The following AP3B1 variants were observed in gnomAD, a reference collection of about 807,000 sequenced individuals.
AP3B1 encodes adaptor related protein complex 3 subunit beta 1, also known as AP-3 complex subunit beta-1.
Under a neutral mutation model 132.5 loss-of-function variants are expected in AP3B1, and 61 were observed. That is an observed-to-expected ratio of 0.46 (90% CI 0.37 to 0.57). The LOEUF is 0.57. Ranked by LOEUF, AP3B1 falls within the 20% of genes least tolerant of loss-of-function variation. AP3B1 has a pLI of 0.00. For synonymous variants in AP3B1, 388 were observed against 438.3 expected (o/e 0.89, Z 1.43); for missense variants, 1,120 against 1,289.4 (o/e 0.87, Z 2.01).
At chr5:78,290,679 T>G (rs1272725775) in intron 1 of AP3B1, among the ~76,000 whole-genome samples, 1 of 152,052 alleles carries the variant, frequency 6.6e-6, no homozygotes, top group African/African-American at 2.4e-5. Context: ...CCAAGCACAG[T>G]GGTACACGCC....
intron 11 of AP3B1, among the ~76,000 whole-genome samples, chr5:78,165,930 T>C (rs1743599682): frequency 6.6e-6 from 1 of 151,936 alleles, no homozygotes; most frequent in African/African-American, 2.4e-5. Flanking sequence ...TAGCCGGGCA[T>C]GGTGGTGCAT....
intron 3 of AP3B1, among the ~76,000 whole-genome samples, chr5:78,229,575 CA>C (rs70997973): frequency 0.043 from 5,781 of 134,146 alleles, 168 homozygotes; most frequent in Non-Finnish European, 0.061. Flanking sequence ...TCTAGTAAAA[CA>C]AAAAAAAAAA....
intron 5 of AP3B1, 80 bp downstream of exon 5, chr5:78,227,292 C>T (rs1241098806): frequency 2.3e-5 from 32 of 1,393,842 alleles, no homozygotes; most frequent in South Asian, 1.8e-4. Context: ...CCTAAAAGAG[C>T]GAATAAAACA....
chr5:78,011,348 T>G (rs1746619405), intron 26 of AP3B1, among the ~76,000 whole-genome samples: 2 of 152,098 alleles, frequency 1.3e-5, no homozygotes, highest in Admixed American at 1.3e-4. Flanking sequence ...GCCCGGCCAC[T>G]CTGTATATCT....
intron 11 of AP3B1, among the ~76,000 whole-genome samples, chr5:78,169,828 A>G (rs1445876963): frequency 6.6e-6 from 1 of 152,016 alleles, no homozygotes; most frequent in Admixed American, 6.6e-5. Context: ...ACATAGGTAT[A>G]CATGTGCCAT....
At chr5:78,137,468 C>T (rs906074976) in intron 15 of AP3B1, among the ~76,000 whole-genome samples, 5 of 152,158 alleles carry the variant, frequency 3.3e-5, no homozygotes, top group Admixed American at 6.5e-5. Context: ...ACTCTCTTCT[C>T]TACTTCCTCA....
intron 21 of AP3B1, among the ~76,000 whole-genome samples, chr5:78,094,005 T>C (rs932154985): frequency 6.6e-6 from 1 of 152,238 alleles, no homozygotes; most frequent in Non-Finnish European, 1.5e-5. Flanking sequence ...CAATGTGATA[T>C]CACATATCAT....
chr5:78,087,651 T>TG lies in AP3B1; in HGVS notation c.2577+1741dup, dbSNP rs1041871263. 12 of 985,372 alleles carry TG rather than the reference T, an allele frequency of 1.2e-5. No individual in the cohort carries two copies. In the African/African-American group the frequency reaches 2.1e-4, roughly 17 times the overall value. 61.0% of individuals were successfully genotyped at this position (985,372 alleles called of 1,614,324 possible). A position where few individuals can be genotyped will look rare whatever the true frequency, so the allele number is the denominator to read the frequency against. On this transcript the variant is annotated intron_variant, in intron 22 of 26. Coordinates refer to ENST00000255194, the MANE Select transcript of AP3B1 (RefSeq NM_003664.5). ...CGGTCATTTTTTGCCCAACTTTAGA[T>TG]GGAGTGCTTTTCTTTCCTTTGAAGA...
chr5:78,109,374 G>A (rs1177296517), intron 20 of AP3B1, among the ~76,000 whole-genome samples: 4 of 152,056 alleles, frequency 2.6e-5, no homozygotes, highest in African/African-American at 7.2e-5. Context: ...ATAACATATT[G>A]AAGAGATTCC....
intron 2 of AP3B1, among the ~76,000 whole-genome samples, chr5:78,241,518 A>C (rs959212961): frequency 6.6e-6 from 1 of 152,200 alleles, no homozygotes; most frequent in African/African-American, 2.4e-5. Flanking sequence ...AGAGGGATGA[A>C]TGTTACTTTG....
At chr5:78,034,303 T>C in intron 24 of AP3B1, 58 bp downstream of exon 24, 1 of 1,341,900 alleles carries the variant, frequency 7.5e-7, no homozygotes, top group Non-Finnish European at 1.1e-6. Flanking sequence ...GAAAGCTTAG[T>C]TTTTGATCTG....
At position 78,038,983 on chromosome 5, in the gene AP3B1, A is replaced by T. The variant is rs572558916; in HGVS notation, c.2809+60T>A. On this transcript the variant is annotated intron_variant, in intron 23 of 26. Transcript: ENST00000255194. ...CTAAAAAGTATTCTACTTTACTTTT[A>T]AAATGAACATATTTAGTGATCAAAT... 483 of 1,052,264 alleles carry T rather than the reference A, an allele frequency of 4.6e-4. No individual in the cohort carries two copies. In the African/African-American group the frequency reaches 7.3e-3, roughly 16 times the overall value. 65.2% of individuals were successfully genotyped at this position (1,052,264 alleles called of 1,614,324 possible).
At chr5:78,091,277 C>CAAAAAAAAAAAAA (rs748473899) in intron 21 of AP3B1, among the ~76,000 whole-genome samples, 1 of 79,506 alleles carries the variant, frequency 1.3e-5, no homozygotes, top group African/African-American at 5.2e-5. Context: ...ATGTATTTGA[C>CAAAAAAAAAAAAA]AAAAAAAAAA....
intron 1 of AP3B1, among the ~76,000 whole-genome samples, chr5:78,276,771 A>T (rs10067204): frequency 0.22 from 32,949 of 151,836 alleles, 4,402 homozygotes; most frequent in Middle Eastern, 0.31. Context: ...CAGGAGGCTG[A>T]GGTAGGAGGA....
chr5:78,242,553 C>A (rs1747184401), intron 2 of AP3B1, among the ~76,000 whole-genome samples: 1 of 152,068 alleles, frequency 6.6e-6, no homozygotes, highest in Non-Finnish European at 1.5e-5. Context: ...ATTACAGGCA[C>A]CTGATGCCAC....
At chr5:78,035,472 G>C (rs1283038115) in intron 23 of AP3B1, among the ~76,000 whole-genome samples, 3 of 151,978 alleles carry the variant, frequency 2.0e-5, no homozygotes, top group Non-Finnish European at 2.9e-5. Context: ...TTCTTGGTAA[G>C]TATGATTTGC....
intron 15 of AP3B1, among the ~76,000 whole-genome samples, chr5:78,134,125 C>T (rs58244993): frequency 0.28 from 39,150 of 141,442 alleles, 5,697 homozygotes; most frequent in Admixed American, 0.38. Context: ...CACTGCAGCC[C>T]GGGCGACACA....
rs574186390 is a variant in AP3B1 at position 78,187,195 on chromosome 5, G to A, written c.787-5533C>T. Among the ~76,000 whole-genome samples, 3 of 152,180 alleles carry A rather than the reference G, an allele frequency of 2.0e-5. No homozygotes were observed. The South Asian group carries it at 6.2e-4, about 32-fold the overall frequency. The stretch of plus-strand genomic sequence containing the variant: ...GTGACTATTCCTTTATGGAGCTCCA[G>A]GCTAAAGTAGTTCTGTTAAGTACAT... On this transcript the variant is annotated intron_variant, in intron 7 of 26. Coordinates refer to ENST00000255194, the MANE Select transcript of AP3B1 (RefSeq NM_003664.5).
Position 78,141,089 on chromosome 5 carries a change from C to T in AP3B1, c.1650+54G>A, listed in dbSNP as rs552010185. The T allele has an allele frequency of 1.5e-4, 237 of 1,535,658 alleles. 1 individual carries two copies. In the African/African-American group the frequency reaches 2.8e-3, roughly 18 times the overall value. ...AAGGCACAGACCCCCGCTGTTTGAT[C>T]AGAGTGAAGAGGAAAGTACGTATTA... On this transcript the variant is annotated intron_variant, in intron 15 of 26. Transcript: ENST00000255194.
Sources: gnomAD v4.1 joint callset for allele counts (sites outside exome capture counted in the v4.1 genomes callset) on GRCh38, gnomAD v4.1.1 for gene constraint, MANE v1.5 for transcripts, NCBI Gene and HGNC (gene_info 2026-07-23, HGNC 2026-07-21) for gene names.